CACNB1: variants seen among roughly 807,000 people sequenced by gnomAD.
The protein encoded by CACNB1 is voltage-dependent L-type calcium channel subunit beta-1.
CACNB1 carries 29 observed loss-of-function variants against 71.6 expected under a neutral mutation model. The observed-to-expected ratio is 0.40, with a 90% CI of 0.30 to 0.55. CACNB1 has a LOEUF of 0.55. Among genes scored for constraint, CACNB1 ranks in the 20% least tolerant of loss-of-function variants. The pLI, the probability that CACNB1 is intolerant of heterozygous loss-of-function variation, is 0.38. For missense variants in CACNB1, 623 were observed against 801.8 expected (o/e 0.78, Z 2.69); for synonymous variants, 300 against 319.6 (o/e 0.94, Z 0.65).
Position 39,194,881 on chromosome 17 carries a change from T to C in CACNB1, c.171+3A>G. ...CCTCCTCTCCGCCCAGCCTCCCCAT[T>C]ACCTGGCGGACAAAGCTGTTGGATG... On this transcript the variant is annotated splice_donor_region_variant and intron_variant, in intron 2 of 13. Coordinates refer to ENST00000394303, the MANE Select transcript of CACNB1 (RefSeq NM_000723.5). This position sits in a 1 kb window ranked among gnomAD's most constrained non-coding sequence, Gnocchi z 4.6. 1 of 1,604,736 alleles carries C rather than the reference T, an allele frequency of 6.2e-7. No individual in the cohort carries two copies. The highest frequency in any genetic ancestry group is 8.5e-7 in the Non-Finnish European group (1 of 1,172,456).
chr17:39,185,924 T>C (rs1257667269), intron 6 of CACNB1: 3 of 1,603,502 alleles, frequency 1.9e-6, no homozygotes, highest in Non-Finnish European at 1.7e-6. Context: ...CTCCCCCACC[T>C]CTTGCAAGAA....
chr17:39,184,563 G>A lies in CACNB1; in HGVS notation c.730-180C>T, dbSNP rs1376157584. 3.3e-5 allele frequency among the ~76,000 whole-genome samples: 5 copies of A among 151,950 alleles called. No individual in the cohort carries two copies. In the East Asian group the frequency reaches 7.7e-4, roughly 23 times the overall value. ...TGGGGTCTCTGGTTCCAAGGTCCCT[G>A]TAAGTGGCATCTCTGGGAGGGCTCT... On this transcript the variant is annotated intron_variant, in intron 8 of 13. Transcript: ENST00000394303.
intron 11 of CACNB1, among the ~76,000 whole-genome samples, chr17:39,179,906 C>T (rs2045706650): frequency 6.7e-6 from 1 of 149,534 alleles, no homozygotes; most frequent in South Asian, 2.1e-4. Context: ...AAGACTCTGT[C>T]TAAAAAACAA....
chr17:39,180,498 T>C (rs1433221995), intron 11 of CACNB1, among the ~76,000 whole-genome samples: 2 of 151,482 alleles, frequency 1.3e-5, no homozygotes, highest in Non-Finnish European at 2.9e-5. Context: ...CTACTAAAAA[T>C]ATAAAAATTA....
In CACNB1 at chr17:39,175,102, C is replaced by G. The variant is rs2045542203; in HGVS notation, c.*91G>C. 2 of 1,074,406 alleles carry G rather than the reference C, an allele frequency of 1.9e-6. No individual in the cohort carries two copies. The allele number at this position is 1,074,406 out of a possible 1,614,324, so 66.6% of individuals were successfully genotyped here. ...TCTGAAAGGAGGGAGACAGCGCCCC[C>G]TGGAGGCGAATACATGTCAGGTGTG... On this transcript the variant is annotated 3_prime_UTR_variant, in exon 14 of 14. Transcript: ENST00000394303. This position sits in a 1 kb window ranked among gnomAD's most constrained non-coding sequence, Gnocchi z 4.7.
chr17:39,192,494 A>G (rs1337920706), intron 2 of CACNB1: 1 of 152,426 alleles, frequency 6.6e-6, no homozygotes, highest in African/African-American at 2.4e-5. Context: ...AGTTGGCTGC[A>G]TATGACTGTG....
In CACNB1 at chr17:39,194,702, G is replaced by A. The variant is rs970530182; in HGVS notation, c.171+182C>T. On this transcript the variant is annotated intron_variant, in intron 2 of 13. Coordinates refer to ENST00000394303, the MANE Select transcript of CACNB1 (RefSeq NM_000723.5). This position sits in a 1 kb window ranked among gnomAD's most constrained non-coding sequence, Gnocchi z 4.6. Reference sequence around the variant, plus strand: ...GGCCGGGCAGGGGCGGGGGCTGAGCGAGTGGGTGCCGCTGACAGCACATCC... The same window carrying A: ...GGCCGGGCAGGGGCGGGGGCTGAGCAAGTGGGTGCCGCTGACAGCACATCC... Among the ~76,000 whole-genome samples, 2 of 152,112 alleles carry A rather than the reference G, an allele frequency of 1.3e-5. No homozygotes were observed. Among genetic ancestry groups the A allele is most frequent in the Non-Finnish European group, 2.9e-5 (2 of 68,010 alleles).
At chr17:39,189,767 G>A (rs1381022101) in intron 3 of CACNB1, among the ~76,000 whole-genome samples, 1 of 151,486 alleles carries the variant, frequency 6.6e-6, no homozygotes, top group African/African-American at 2.4e-5. Flanking sequence ...CAAAGTGCCG[G>A]GATTACAGGC....
intron 11 of CACNB1, among the ~76,000 whole-genome samples, chr17:39,179,556 G>A (rs1388614407): frequency 6.7e-6 from 1 of 148,160 alleles, no homozygotes; most frequent in Admixed American, 6.8e-5. Flanking sequence ...TCCAACCTGA[G>A]CGACAGAGTG....
At position 39,184,127 on chromosome 17, in the gene CACNB1, G is replaced by A. The variant is rs1239612747; in HGVS notation, c.802C>T (p.Arg268Cys). The A allele has an allele frequency of 1.2e-6, 2 of 1,609,898 alleles. No homozygotes were observed. Among genetic ancestry groups the A allele is most frequent in the Non-Finnish European group, 1.7e-6 (2 of 1,176,322 alleles). The change falls in exon 10 of 14, where the codon CGT (arginine) becomes TGT (cysteine). Residue 268 changes from arginine (R) to cysteine (C), a missense_variant. Coordinates refer to ENST00000394303, the MANE Select transcript of CACNB1 (RefSeq NM_000723.5). ...GCCAGGGAAATATCTGCCGTCACAC[G>A]AGTGATGGAGATCCTGGGGAATGGG... ...HRFDGRISIT[R>C]VTADISLAKR...
At position 39,195,576 on chromosome 17, in the gene CACNB1, G is replaced by A. The variant is rs538801219; in HGVS notation, c.85-606C>T. On this transcript the variant is annotated intron_variant, in intron 1 of 13. Coordinates refer to ENST00000394303, the MANE Select transcript of CACNB1 (RefSeq NM_000723.5). ...AGCCAGATTTCTGGGGAGGGAGTAG[G>A]GGCATGGAACTGTATTTGGAGAGTA... Among the ~76,000 whole-genome samples the A allele has an allele frequency of 1.5e-4, 23 of 152,282 alleles. No homozygotes were observed. The South Asian group carries it at 4.4e-3, about 29-fold the overall frequency.
Position 39,187,482 on chromosome 17 carries a change from C to A in CACNB1, c.411G>T (p.Lys137Asn). ...TFEPKDFLHI[K>N]EKYNNDWWIG... is the part of the protein sequence containing the mutation. ...TGCCCTCCCTCCAGATACCCACCTCCTTGATGTGCAGGAAGTCTTTGGGCT... is the reference window on the plus strand; with the variant it reads ...TGCCCTCCCTCCAGATACCCACCTCATTGATGTGCAGGAAGTCTTTGGGCT... Residue 137 changes from lysine to asparagine, a missense_variant, in exon 4 of 14, where the codon AAG becomes AAT. Physicochemically the swap from Lys to Asn is moderately conservative, Grantham distance 94 (BLOSUM62 0). Coordinates refer to ENST00000394303, the MANE Select transcript of CACNB1 (RefSeq NM_000723.5). 6.2e-7 allele frequency: 1 copy of A among 1,613,966 alleles called. No individual in the cohort carries two copies. Among genetic ancestry groups the A allele is most frequent in the East Asian group, 2.2e-5 (1 of 44,874 alleles).
At chr17:39,187,155 T>C (rs1394967144) in intron 4 of CACNB1, 5 of 607,018 alleles carry the variant, frequency 8.2e-6, no homozygotes, top group Non-Finnish European at 1.4e-5. Flanking sequence ...ACCGGCCCAA[T>C]GCAATTCTGA....
At position 39,186,687 on chromosome 17, in the gene CACNB1, G is replaced by C; in HGVS notation, c.551+106C>G. 4 of 1,536,640 alleles carry C rather than the reference G, an allele frequency of 2.6e-6. No homozygotes were observed. In the East Asian group the frequency reaches 9.0e-5, roughly 35 times the overall value. On this transcript the variant is annotated intron_variant, in intron 5 of 13. Transcript: ENST00000394303. This position sits in a 1 kb window ranked among gnomAD's most constrained non-coding sequence, Gnocchi z 4.1. ...TCCAGCCCCACTGGTGATGCCACAG[G>C]CAGCTCTGTGCCCTCAGGGCCAGGG...
At chr17:39,187,387 G>C (rs761143636) in intron 4 of CACNB1, 92 bp downstream of exon 4, 4 of 1,438,216 alleles carry the variant, frequency 2.8e-6, no homozygotes, top group Non-Finnish European at 3.9e-6. Context: ...GATTCAGCCT[G>C]GCTCTGCTTG....
At chr17:39,188,238 G>A (rs1410058931) in intron 3 of CACNB1, among the ~76,000 whole-genome samples, 1 of 151,692 alleles carries the variant, frequency 6.6e-6, no homozygotes, top group African/African-American at 2.4e-5. Context: ...AGCCAAGATG[G>A]CACCACTGCA....
At chr17:39,185,023 C>T in intron 7 of CACNB1, 108 bp downstream of exon 7, 2 of 1,124,562 alleles carry the variant, frequency 1.8e-6, no homozygotes, top group Non-Finnish European at 1.4e-6. Context: ...CAGGGAGAAC[C>T]AGGAAGGGTG....
chr17:39,195,880 AG>A (rs1288235564), intron 1 of CACNB1, among the ~76,000 whole-genome samples: 1 of 152,182 alleles, frequency 6.6e-6, no homozygotes, highest in Non-Finnish European at 1.5e-5. Flanking sequence ...CTAGGGGGTA[AG>A]CTGGCTCAGT....
At position 39,175,402 on chromosome 17, in the gene CACNB1, G is replaced by A; in HGVS notation, c.1588C>T (p.Pro530Ser). The change falls in exon 14 of 14, where the codon CCA becomes TCA. Residue 530 changes from proline (P) to serine (S), a missense_variant. Transcript: ENST00000394303. This position sits in a 1 kb window ranked among gnomAD's most constrained non-coding sequence, Gnocchi z 4.7. ...CCCCCTGCAGGGTCTCCAAGCCCTG[G>A]CCCCTCTGAGGGGTCAGTCTCCATG... Reference protein sequence around the residue: ...VDMETDPSEGPGLGDPAGGGT... With the variant: ...VDMETDPSEGSGLGDPAGGGT... 6.2e-7 allele frequency: 1 copy of A among 1,614,154 alleles called. No homozygotes were observed. The highest frequency in any genetic ancestry group is 8.5e-7 in the Non-Finnish European group (1 of 1,180,012).
Sources: gnomAD v4.1 joint callset for allele counts (sites outside exome capture counted in the v4.1 genomes callset) on GRCh38, gnomAD v4.1.1 for gene constraint, Gnocchi (gnomAD v3.1) non-coding constraint, MANE v1.5 for transcripts, NCBI Gene and HGNC (gene_info 2026-07-23, HGNC 2026-07-21) for gene names.